Variants in ZFPM2 observed in about 807,000 individuals in gnomAD.
The protein encoded by ZFPM2 is zinc finger protein ZFPM2.
In ZFPM2, 20 loss-of-function variants were observed where a neutral mutation model predicts 98.6. The observed-to-expected ratio is 0.20, with a 90% CI of 0.14 to 0.29. The LOEUF is 0.29. Ranked by LOEUF, ZFPM2 falls within the 10% of genes least tolerant of loss-of-function variation. The probability of loss-of-function intolerance (pLI) is 1.00; values close to 1 mark genes in which losing one functional copy is unlikely to be tolerated. For missense variants in ZFPM2, 1,310 were observed against 1,388.6 expected, an observed-to-expected ratio of 0.94 and a Z score of 0.90; for synonymous variants, 518 against 502.7, an observed-to-expected ratio of 1.03 and a Z score of -0.41.
At position 105,802,710 on chromosome 8, in the gene ZFPM2, C is replaced by T; in HGVS notation, c.2628C>T (p.Phe876=). Residue 876 remains phenylalanine (F), a synonymous_variant, in exon 8 of 8, where the codon TTC becomes TTT. Transcript: ENST00000407775. ...VENYLAHKQN[F]CPVTAHQRND... is the part of the protein sequence containing the mutation. ...ACTATCTGGCCCACAAGCAGAATTTCTGCCCGGTTACTGCACATCAGCGTA... is the reference window on the plus strand; with the variant it reads ...ACTATCTGGCCCACAAGCAGAATTTTTGCCCGGTTACTGCACATCAGCGTA... 1 of 1,612,672 alleles carries T rather than the reference C, an allele frequency of 6.2e-7. No individual in the cohort carries two copies.
chr8:105,737,534 G>A (rs894476759), intron 5 of ZFPM2: 18 of 152,206 alleles, frequency 1.2e-4, no homozygotes, highest in African/African-American at 4.3e-4. Context: ...TTGATGATAA[G>A]GGTGGAGGCA....
At chr8:105,655,561 G>A (rs1282259606) in intron 5 of ZFPM2, among the ~76,000 whole-genome samples, 1 of 152,088 alleles carries the variant, frequency 6.6e-6, no homozygotes, top group East Asian at 1.9e-4. Flanking sequence ...TTAGAAAACT[G>A]TTGAATGGCG....
At chr8:105,349,495 C>T (rs910005859) in intron 1 of ZFPM2, among the ~76,000 whole-genome samples, 15 of 152,180 alleles carry the variant, frequency 9.9e-5, no homozygotes, top group African/African-American at 3.6e-4. Flanking sequence ...TTGAGCTTAA[C>T]TGATGGGTAT....
At chr8:105,382,035 G>T (rs1810899420) in intron 1 of ZFPM2, among the ~76,000 whole-genome samples, 1 of 151,998 alleles carries the variant, frequency 6.6e-6, no homozygotes, top group Non-Finnish European at 1.5e-5. Flanking sequence ...ATATATTCAA[G>T]ATTCAAAATT....
At chr8:105,735,597 A>T (rs1489721892) in intron 5 of ZFPM2, among the ~76,000 whole-genome samples, 1 of 151,450 alleles carries the variant, frequency 6.6e-6, no homozygotes, top group Non-Finnish European at 1.5e-5. Flanking sequence ...AGACCATATT[A>T]TAGGAGGAGG....
chr8:105,799,027 G>T, intron 7 of ZFPM2, 79 bp downstream of exon 7: 2 of 1,205,308 alleles, frequency 1.7e-6, no homozygotes, highest in Non-Finnish European at 2.3e-6. Flanking sequence ...ACATGTATAC[G>T]TCTATATCTG....
chr8:105,717,635 TA>T (rs35336077), intron 5 of ZFPM2, among the ~76,000 whole-genome samples: 42,141 of 151,508 alleles, frequency 0.28, 6,275 homozygotes, highest in African/African-American at 0.35. Flanking sequence ...TTTGAACTGT[TA>T]AAAAAAATAG....
intron 5 of ZFPM2, among the ~76,000 whole-genome samples, chr8:105,761,493 GCTTT>G (rs1812733432): frequency 6.6e-6 from 1 of 151,936 alleles, no homozygotes; most frequent in African/African-American, 2.4e-5. Flanking sequence ...TTTTCTGAAA[GCTTT>G]CTTTGTCTTC....
intron 1 of ZFPM2, among the ~76,000 whole-genome samples, chr8:105,374,298 A>T (rs1169177597): frequency 1.3e-5 from 2 of 152,242 alleles, no homozygotes; most frequent in Non-Finnish European, 2.9e-5. Flanking sequence ...TATGAAAGAT[A>T]CACAACTTGC....
chr8:105,420,881 C>T (rs1167624958), intron 2 of ZFPM2, among the ~76,000 whole-genome samples: 1 of 151,908 alleles, frequency 6.6e-6, no homozygotes, highest in African/African-American at 2.4e-5. Context: ...TGGATTTATA[C>T]CTTTTGTCAA....
chr8:105,512,614 A>T (rs1813839596), intron 3 of ZFPM2, among the ~76,000 whole-genome samples: 2 of 152,160 alleles, frequency 1.3e-5, no homozygotes, highest in South Asian at 4.1e-4. Context: ...AGTTTTATTT[A>T]TGTTAAAGGG....
intron 1 of ZFPM2, among the ~76,000 whole-genome samples, chr8:105,380,706 T>A (rs1184569223): frequency 3.9e-5 from 1 of 25,352 alleles, no homozygotes; most frequent in African/African-American, 1.6e-4. Flanking sequence ...ACATATATAA[T>A]ATATATATAT....
At chr8:105,349,106 A>G (rs1812594571) in intron 1 of ZFPM2, among the ~76,000 whole-genome samples, 1 of 152,132 alleles carries the variant, frequency 6.6e-6, no homozygotes, top group South Asian at 2.1e-4. Context: ...AGGTTTTACT[A>G]TTATTTGGTA....
intron 2 of ZFPM2, among the ~76,000 whole-genome samples, chr8:105,437,360 T>C (rs1812141083): frequency 6.6e-6 from 1 of 152,226 alleles, no homozygotes; most frequent in Admixed American, 6.5e-5. Flanking sequence ...TGAGTATTGC[T>C]ACCAAGTTGA....
chr8:105,410,550 T>C (rs1811556482), intron 1 of ZFPM2, among the ~76,000 whole-genome samples: 2 of 151,918 alleles, frequency 1.3e-5, no homozygotes, highest in African/African-American at 4.8e-5. Flanking sequence ...TAAAAATAAC[T>C]TAGAAATCAC....
intron 5 of ZFPM2, among the ~76,000 whole-genome samples, chr8:105,759,843 T>A (rs536526319): frequency 6.6e-6 from 1 of 152,164 alleles, no homozygotes; most frequent in East Asian, 1.9e-4. Context: ...TCCTGACCAT[T>A]GCCAGGGATA....
intron 5 of ZFPM2, among the ~76,000 whole-genome samples, chr8:105,754,747 G>A (rs1310768154): frequency 6.6e-6 from 1 of 150,546 alleles, no homozygotes; most frequent in Non-Finnish European, 1.5e-5. Flanking sequence ...ACACAGATAT[G>A]TCTGAGGGAA....
At chr8:105,563,290 G>A (rs1232403252) in intron 4 of ZFPM2, among the ~76,000 whole-genome samples, 3 of 152,188 alleles carry the variant, frequency 2.0e-5, no homozygotes, top group African/African-American at 7.2e-5. Flanking sequence ...GACAGAGGTT[G>A]TTGGTTCAAC....
In ZFPM2 at chr8:105,419,057, T is replaced by G. The variant is rs1239456873; in HGVS notation, c.41-87T>G. 3.8e-6 allele frequency: 5 copies of G among 1,309,094 alleles called. No homozygotes were observed. In the African/African-American group the frequency reaches 7.4e-5, roughly 19 times the overall value. 81.1% of individuals were successfully genotyped at this position (1,309,094 alleles called of 1,614,324 possible). ...TAGAGTATATTATTTTTCTCACCACTGTAACAAAAAAAGGCTCTATTTAAG... is the reference window on the plus strand; with the variant it reads ...TAGAGTATATTATTTTTCTCACCACGGTAACAAAAAAAGGCTCTATTTAAG... On this transcript the variant is annotated intron_variant, in intron 1 of 7. Coordinates refer to ENST00000407775, the MANE Select transcript of ZFPM2 (RefSeq NM_012082.4).
Sources: gnomAD v4.1 joint callset for allele counts (sites outside exome capture counted in the v4.1 genomes callset) on GRCh38, gnomAD v4.1.1 for gene constraint, MANE v1.5 for transcripts, NCBI Gene and HGNC (gene_info 2026-07-23, HGNC 2026-07-21) for gene names.